PRKN: variants seen among roughly 807,000 people sequenced by gnomAD.
The protein encoded by PRKN is parkin RBR E3 ubiquitin protein ligase.
In PRKN, 56 loss-of-function variants were observed where a neutral mutation model predicts 59.5. The ratio of observed to expected loss-of-function variants is 0.94; its 90% CI spans 0.76 to 1.18. The LOEUF is 1.18. Ranked by LOEUF, PRKN falls within the 50% of genes most tolerant of loss-of-function variation. PRKN has a pLI of 0.00. For synonymous variants in PRKN, 250 were observed against 222.1 expected (o/e 1.13, Z -1.12); for missense variants, 657 against 596.4 (o/e 1.10, Z -1.06).
At chr6:161,636,041 T>C (rs114419610) in intron 7 of PRKN, among the ~76,000 whole-genome samples, 3,001 of 152,248 alleles carry the variant, frequency 0.02, 83 homozygotes, top group African/African-American at 0.069. Context: ...CTCTCCATCC[T>C]GGTGCCCCCG....
intron 2 of PRKN, among the ~76,000 whole-genome samples, chr6:162,265,766 G>A (rs905819886): frequency 2.0e-5 from 3 of 152,262 alleles, no homozygotes; most frequent in Non-Finnish European, 2.9e-5. Context: ...GTGACCAAGT[G>A]CAGCCACACT....
chr6:162,242,437 C>T lies in PRKN; in HGVS notation c.412+20088G>A, dbSNP rs546046569. 6.3e-4 allele frequency among the ~76,000 whole-genome samples: 96 copies of T among 152,222 alleles called. 1 individual carries two copies. Among genetic ancestry groups the T allele is most frequent in the Non-Finnish European group, 1.2e-3 (84 of 68,002 alleles). ...CTCTTAGTAGTCAGAGCGACATATG[C>T]TATTGAAGTAATGTGTTCCTTTATT... On this transcript the variant is annotated intron_variant, in intron 3 of 11. Coordinates refer to ENST00000366898, the MANE Select transcript of PRKN (RefSeq NM_004562.3).
At chr6:162,568,499 C>G in intron 1 of PRKN, 1 of 684,864 alleles carries the variant, frequency 1.5e-6, no homozygotes, top group South Asian at 1.5e-5. Context: ...GCATCACCGC[C>G]GTTGTGGTCA....
intron 5 of PRKN, among the ~76,000 whole-genome samples, chr6:162,043,433 T>C (rs1029866299): frequency 2.0e-5 from 3 of 152,236 alleles, no homozygotes; most frequent in Non-Finnish European, 2.9e-5. Flanking sequence ...GGAAGCTTCA[T>C]TGAATCCTGT....
chr6:162,458,694 T>A (rs532294093), intron 1 of PRKN, among the ~76,000 whole-genome samples: 111 of 151,676 alleles, frequency 7.3e-4, no homozygotes, highest in Admixed American at 1.7e-3. Context: ...CTCTTTTTTT[T>A]AAATATCCAT....
chr6:162,640,012 G>T (rs1777901097), intron 1 of PRKN, among the ~76,000 whole-genome samples: 1 of 152,126 alleles, frequency 6.6e-6, no homozygotes, highest in Non-Finnish European at 1.5e-5. Flanking sequence ...TTCTCCAGCA[G>T]ATTTTATATA....
intron 4 of PRKN, among the ~76,000 whole-genome samples, chr6:162,113,783 C>T (rs1471906723): frequency 9.2e-5 from 14 of 152,152 alleles, no homozygotes; most frequent in Non-Finnish European, 1.5e-4. Context: ...GACATGAAGT[C>T]CTTGCCCTGC....
chr6:161,763,725 T>C (rs1460816095), intron 7 of PRKN, among the ~76,000 whole-genome samples: 1 of 151,982 alleles, frequency 6.6e-6, no homozygotes, highest in Non-Finnish European at 1.5e-5. Flanking sequence ...CCATATTAAA[T>C]TGATTGAAAG....
chr6:161,678,731 A>AC (rs1460281889), intron 7 of PRKN, among the ~76,000 whole-genome samples: 2 of 151,688 alleles, frequency 1.3e-5, no homozygotes, highest in Non-Finnish European at 2.9e-5. Context: ...TGCCTGGCTA[A>AC]TTTTTTTGTA....
intron 1 of PRKN, among the ~76,000 whole-genome samples, chr6:162,715,123 T>A (rs946462033): frequency 5.9e-5 from 9 of 152,202 alleles, no homozygotes; most frequent in African/African-American, 2.2e-4. Context: ...TTGTTAATTT[T>A]TTTCTCCCAT....
At chr6:162,131,738 T>C (rs1202540765) in intron 4 of PRKN, among the ~76,000 whole-genome samples, 3 of 152,180 alleles carry the variant, frequency 2.0e-5, no homozygotes, top group Non-Finnish European at 4.4e-5. Flanking sequence ...ACTTCATATA[T>C]TTCAGATACA....
chr6:162,214,083 T>G (rs1403449323), intron 3 of PRKN, among the ~76,000 whole-genome samples: 1 of 151,672 alleles, frequency 6.6e-6, no homozygotes, highest in African/African-American at 2.4e-5. Flanking sequence ...TGGAGCTTGG[T>G]TCAGGTCTCA....
At chr6:162,435,898 C>T (rs1789743852) in intron 2 of PRKN, among the ~76,000 whole-genome samples, 1 of 152,106 alleles carries the variant, frequency 6.6e-6, no homozygotes, top group Non-Finnish European at 1.5e-5. Flanking sequence ...CTATATTGGT[C>T]ATTTGCAGAA....
intron 4 of PRKN, among the ~76,000 whole-genome samples, chr6:162,158,280 C>A (rs1782606767): frequency 6.6e-6 from 1 of 152,050 alleles, no homozygotes; most frequent in Non-Finnish European, 1.5e-5. Context: ...GGAAATGTTA[C>A]ACGCTGAGCC....
chr6:161,801,170 G>A (rs1791060676), intron 6 of PRKN, among the ~76,000 whole-genome samples: 1 of 152,296 alleles, frequency 6.6e-6, no homozygotes, highest in African/African-American at 2.4e-5. Context: ...CAGAGCCAGC[G>A]CTGCATAAGT....
intron 10 of PRKN, among the ~76,000 whole-genome samples, chr6:161,367,943 G>A (rs150943998): frequency 9.2e-5 from 14 of 152,212 alleles, no homozygotes; most frequent in Admixed American, 5.9e-4. Flanking sequence ...GACCCAGGCC[G>A]CCTGGCCTGC....
Position 161,386,026 on chromosome 6 carries a change from T to C in PRKN, c.1167+768A>G, listed in dbSNP as rs775381595. 1.3e-5 allele frequency among the ~76,000 whole-genome samples: 2 copies of C among 152,218 alleles called. No individual in the cohort carries two copies. Among genetic ancestry groups the C allele is most frequent in the Non-Finnish European group, 2.9e-5 (2 of 68,042 alleles). On this transcript the variant is annotated intron_variant, in intron 10 of 11. Transcript: ENST00000366898. This position sits in a 1 kb window ranked among gnomAD's most constrained non-coding sequence, Gnocchi z 4.3. ...GCATTCAGATCTTTAACATTCTCTA[T>C]TGTAAAATCAAAATATTCTGGGATT...
At chr6:162,197,626 T>C (rs561669715) in intron 4 of PRKN, among the ~76,000 whole-genome samples, 1 of 152,332 alleles carries the variant, frequency 6.6e-6, no homozygotes, top group African/African-American at 2.4e-5. Flanking sequence ...ATTTATGAAC[T>C]GTGTAACTTT....
intron 5 of PRKN, among the ~76,000 whole-genome samples, chr6:162,010,395 A>G (rs1782464196): frequency 1.1e-5 from 1 of 87,840 alleles, no homozygotes; most frequent in East Asian, 3.3e-4. Flanking sequence ...ATATATAAAT[A>G]ATATACATTT....
Sources: gnomAD v4.1 joint callset for allele counts (sites outside exome capture counted in the v4.1 genomes callset) on GRCh38, gnomAD v4.1.1 for gene constraint, Gnocchi (gnomAD v3.1) non-coding constraint, MANE v1.5 for transcripts, NCBI Gene and HGNC (gene_info 2026-07-23, HGNC 2026-07-21) for gene names.